The following PELI2 variants were observed in gnomAD, a reference collection of about 807,000 sequenced individuals.
PELI2 encodes E3 ubiquitin-protein ligase pellino homolog 2.
In PELI2, 23 loss-of-function variants were observed where a neutral mutation model predicts 42.3. The observed-to-expected ratio is 0.54, with a 90% CI of 0.39 to 0.77. The LOEUF (loss-of-function observed/expected upper bound fraction) is 0.77. PELI2 is among the 30% of genes least tolerant of loss of function. The pLI is 0.00. For synonymous variants in PELI2, 245 were observed against 212.2 expected, an observed-to-expected ratio of 1.15 and a Z score of -1.34; for missense variants, 463 against 553.2, an observed-to-expected ratio of 0.84 and a Z score of 1.64.
intron 2 of PELI2, among the ~76,000 whole-genome samples, chr14:56,221,061 T>C (rs139615980): frequency 5.3e-4 from 80 of 152,260 alleles, no homozygotes; most frequent in African/African-American, 1.8e-3. Flanking sequence ...GACAAAGCCG[T>C]GCCTCCACCT....
intron 1 of PELI2, among the ~76,000 whole-genome samples, chr14:56,120,499 C>G (rs1883022678): frequency 6.6e-6 from 1 of 152,130 alleles, no homozygotes; most frequent in Non-Finnish European, 1.5e-5. Context: ...TCCACAGGAG[C>G]CCGGGATATA....
At chr14:56,175,853 A>G (rs971937566) in intron 1 of PELI2, among the ~76,000 whole-genome samples, 4 of 152,224 alleles carry the variant, frequency 2.6e-5, no homozygotes, top group African/African-American at 7.2e-5. Flanking sequence ...CATCTGGGCC[A>G]ATAGAAACCC....
At chr14:56,178,557 T>C (rs1885468302) in intron 2 of PELI2, 93 bp downstream of exon 2, 3 of 1,380,178 alleles carry the variant, frequency 2.2e-6, no homozygotes, top group Admixed American at 1.7e-5. Flanking sequence ...CGTCTTTTCA[T>C]GTAGGACAGT....
At position 56,299,281 on chromosome 14, in the gene PELI2, A is replaced by G. The variant is rs1173553242; in HGVS notation, c.*2115A>G. The G allele has an allele frequency of 6.6e-6, 1 of 152,214 alleles. No homozygotes were observed. The highest frequency in any genetic ancestry group is 1.5e-5 in the Non-Finnish European group (1 of 68,036). The allele number at this position is 152,214 out of a possible 1,614,324, so 9.4% of individuals were successfully genotyped here. A position where few individuals can be genotyped will look rare whatever the true frequency, so the allele number is the denominator to read the frequency against. On this transcript the variant is annotated 3_prime_UTR_variant, in exon 6 of 6. Coordinates refer to ENST00000267460, the MANE Select transcript of PELI2 (RefSeq NM_021255.3). ...TCAAGTCCTGTTTATAAGTCTAGTC[A>G]TTCTGCAACGTGACATATCCCCCAA...
intron 2 of PELI2, 77 bp downstream of exon 2, chr14:56,178,541 T>C (rs2139667840): frequency 6.6e-7 from 1 of 1,506,774 alleles, no homozygotes; most frequent in Non-Finnish European, 9.2e-7. Flanking sequence ...CTGCTCTCTT[T>C]CCTTTCGTCT....
intron 5 of PELI2, among the ~76,000 whole-genome samples, chr14:56,293,728 G>A (rs924381649): frequency 3.9e-5 from 6 of 152,142 alleles, no homozygotes; most frequent in East Asian, 1.9e-4. Flanking sequence ...AGAAGGTACC[G>A]AAGGTACTTT....
At chr14:56,251,208 C>T (rs1484412818) in intron 2 of PELI2, among the ~76,000 whole-genome samples, 1 of 152,216 alleles carries the variant, frequency 6.6e-6, no homozygotes, top group Non-Finnish European at 1.5e-5. Context: ...GGAGCTCAGC[C>T]TGGGAGGGCC....
chr14:56,285,728 A>T (rs1223841198), intron 3 of PELI2, among the ~76,000 whole-genome samples: 1 of 152,136 alleles, frequency 6.6e-6, no homozygotes, highest in Non-Finnish European at 1.5e-5. Context: ...GAGTGGGTTG[A>T]GGAAGAAGGA....
At chr14:56,287,410 A>G (rs74661052) in intron 3 of PELI2, among the ~76,000 whole-genome samples, 42 of 152,358 alleles carry the variant, frequency 2.8e-4, no homozygotes, top group African/African-American at 1.0e-3. Context: ...TAGAGTTTCC[A>G]AGTTACCCAG....
intron 1 of PELI2, chr14:56,119,040 T>TGGGGGC (rs1192467923): frequency 6.8e-6 from 1 of 147,156 alleles, no homozygotes; most frequent in Non-Finnish European, 1.4e-5. Flanking sequence ...GGCCGTATCG[T>TGGGGGC]GGGGGCGGGG....
chr14:56,162,141 T>G (rs1055074198), intron 1 of PELI2, among the ~76,000 whole-genome samples: 5 of 152,236 alleles, frequency 3.3e-5, no homozygotes, highest in African/African-American at 1.2e-4. Context: ...TTCTGTAAAT[T>G]ATTTTAAAAT....
At chr14:56,213,264 T>C (rs977083446) in intron 2 of PELI2, among the ~76,000 whole-genome samples, 1 of 152,218 alleles carries the variant, frequency 6.6e-6, no homozygotes, top group Non-Finnish European at 1.5e-5. Flanking sequence ...CATGTGTGGA[T>C]GAAGTTACAG....
rs186127717 is a variant in PELI2 at position 56,266,685 on chromosome 14, A to G, written c.208-12991A>G. 3.2e-4 allele frequency among the ~76,000 whole-genome samples: 48 copies of G among 152,198 alleles called. No individual in the cohort carries two copies. In the East Asian group the frequency reaches 7.1e-3, roughly 23 times the overall value. On this transcript the variant is annotated intron_variant, in intron 2 of 5. Transcript: ENST00000267460. ...TGTGAAAAGTAGTTTGACAATAACT[A>G]TCAATATCAGAAGTGGACATACCAT...
intron 5 of PELI2, 54 bp from the exon 6 acceptor site, chr14:56,296,546 G>T: frequency 8.5e-7 from 1 of 1,181,078 alleles, no homozygotes; most frequent in Non-Finnish European, 1.2e-6. Context: ...AAGAATCTTG[G>T]AGTGATTTGC....
intron 2 of PELI2, among the ~76,000 whole-genome samples, chr14:56,218,203 C>A (rs148921666): frequency 1.3e-4 from 20 of 152,336 alleles, no homozygotes; most frequent in Non-Finnish European, 1.5e-5. Context: ...TGTGATCTAT[C>A]ATTGTTTTCT....
intron 1 of PELI2, among the ~76,000 whole-genome samples, chr14:56,146,112 TCA>T (rs2139612266): frequency 6.6e-6 from 1 of 152,346 alleles, no homozygotes; most frequent in South Asian, 2.1e-4. Context: ...GTTTTTAAGT[TCA>T]GACTACCTCT....
intron 2 of PELI2, among the ~76,000 whole-genome samples, chr14:56,231,980 C>T (rs1267587921): frequency 6.6e-6 from 1 of 152,138 alleles, no homozygotes; most frequent in Non-Finnish European, 1.5e-5. Flanking sequence ...ACTGTAAACA[C>T]CTCTATGCAA....
At chr14:56,214,232 G>A (rs1470176310) in intron 2 of PELI2, among the ~76,000 whole-genome samples, 1 of 152,132 alleles carries the variant, frequency 6.6e-6, no homozygotes, top group Non-Finnish European at 1.5e-5. Context: ...GGAGGGGTGA[G>A]CATCTGCAGC....
At chr14:56,128,686 G>C (rs923523557) in intron 1 of PELI2, among the ~76,000 whole-genome samples, 4 of 152,188 alleles carry the variant, frequency 2.6e-5, no homozygotes, top group East Asian at 1.9e-4. Flanking sequence ...TGGGGAGGGA[G>C]GTGAAGTTGG....
Sources: allele counts gnomAD v4.1 joint callset (sites outside exome capture counted in the v4.1 genomes callset), GRCh38; gene constraint gnomAD v4.1.1; transcripts MANE v1.5; gene names NCBI Gene and HGNC (gene_info 2026-07-23, HGNC 2026-07-21).